The following SLIT1 variants were observed in gnomAD, a reference collection of about 807,000 sequenced individuals.
SLIT1 encodes slit guidance ligand 1.
Under a neutral mutation model 186.1 loss-of-function variants are expected in SLIT1, and 66 were observed. The ratio of observed to expected loss-of-function variants is 0.35; its 90% CI spans 0.29 to 0.44. The LOEUF (loss-of-function observed/expected upper bound fraction) is 0.44, where lower values mean the gene tolerates loss of function less well. Ranked by LOEUF, SLIT1 falls within the 20% of genes least tolerant of loss-of-function variation. SLIT1 has a pLI of 1.00. For missense variants in SLIT1, 1,638 were observed against 2,037.4 expected (o/e 0.80, Z 3.77); for synonymous variants, 761 against 833.8 (o/e 0.91, Z 1.50).
rs1271205381 is a variant in SLIT1, at chr10:97,157,855, C to A, written c.376G>T (p.Glu126Ter). The A allele has an allele frequency of 6.2e-7, 1 of 1,614,022 alleles. No homozygotes were observed. The highest frequency in any genetic ancestry group is 1.1e-5 in the South Asian group (1 of 91,068). The stretch of plus-strand genomic sequence containing the variant: ...GCCTGGTTGTTCTGGAACAGCAGTT[C>A]CGGTAACATGTGCAGCTGGTTTCGG... ...LNRNQLHMLP[E>*]LLFQNNQALS... is the part of the protein sequence containing the mutation. Residue 126 changes from glutamate to a stop codon, truncating the protein, a stop_gained, in exon 4 of 37, where the codon GAA becomes TAA. Transcript: ENST00000266058. LOFTEE classifies it high-confidence loss of function.
chr10:97,163,018 G>A (rs765546361), intron 3 of SLIT1, among the ~76,000 whole-genome samples: 20 of 152,210 alleles, frequency 1.3e-4, no homozygotes, highest in Non-Finnish European at 2.4e-4. Context: ...CGTTGGCACG[G>A]CTTCCTTTAA....
rs974858385 is a variant in SLIT1 at position 97,140,706 on chromosome 10, C to T, written c.413+17112G>A. ...GGGAAATGAGTCATTGCTCAGCGGG[C>T]GATGGCTGGGTGGGGGCAGCCCAGG... On this transcript the variant is annotated intron_variant, in intron 4 of 36. Coordinates refer to ENST00000266058, the MANE Select transcript of SLIT1 (RefSeq NM_003061.3). Among the ~76,000 whole-genome samples, 6 of 152,286 alleles carry T rather than the reference C, an allele frequency of 3.9e-5. No individual in the cohort carries two copies. In the East Asian group the frequency reaches 9.6e-4, roughly 24 times the overall value.
intron 12 of SLIT1, 72 bp from the exon 13 acceptor site, chr10:97,056,536 C>A: frequency 1.3e-6 from 2 of 1,511,754 alleles, no homozygotes; most frequent in Non-Finnish European, 1.8e-6. Flanking sequence ...TCCTGGGCAC[C>A]TTCTTCAGTC....
chr10:97,048,989 G>T lies in SLIT1; in HGVS notation c.1431C>A (p.Ile477=), dbSNP rs73320652. Residue 477 remains isoleucine (I), a synonymous_variant, in exon 14 of 37, where the codon ATC becomes ATA. Coordinates refer to ENST00000266058, the MANE Select transcript of SLIT1 (RefSeq NM_003061.3). ...GGAACTTCTTGCTCTTGATCTGCCCGATGCGCTTGTTGGCGAGGCGCCGGG... is the reference window on the plus strand; with the variant it reads ...GGAACTTCTTGCTCTTGATCTGCCCTATGCGCTTGTTGGCGAGGCGCCGGG... ...ASPRRLANKR[I]GQIKSKKFRC... 4.3e-3 allele frequency: 6,996 copies of T among 1,609,816 alleles called. 265 individuals are homozygous for T. The African/African-American group carries it at 0.078, about 18-fold the overall frequency.
chr10:97,156,412 T>C (rs1161457105), intron 4 of SLIT1, among the ~76,000 whole-genome samples: 1 of 152,056 alleles, frequency 6.6e-6, no homozygotes, highest in Non-Finnish European at 1.5e-5. Flanking sequence ...ACCCCGTCTC[T>C]ACAAAAAATT....
Position 97,047,743 on chromosome 10 carries a change from G to A in SLIT1, c.1581C>T (p.Ser527=), listed in dbSNP as rs1848747060. ...CRCEANVVEC[S]SLKLTKIPER... is the part of the protein sequence containing the mutation. ...CAGGGATCTTGGTGAGCTTCAGGCT[G>A]GAGCACTCCACCACGTTGGCCTCAC... Residue 527 remains serine (S), a synonymous_variant, in exon 16 of 37, where the codon TCC becomes TCT. Coordinates refer to ENST00000266058, the MANE Select transcript of SLIT1 (RefSeq NM_003061.3). The A allele has an allele frequency of 1.2e-6, 2 of 1,613,974 alleles. No individual in the cohort carries two copies. Among genetic ancestry groups the A allele is most frequent in the East Asian group, 2.2e-5 (1 of 44,900 alleles).
At chr10:97,074,733 G>A (rs1056883124) in intron 4 of SLIT1, among the ~76,000 whole-genome samples, 1 of 152,136 alleles carries the variant, frequency 6.6e-6, no homozygotes, top group African/African-American at 2.4e-5. Context: ...GCCCGCCCCT[G>A]AAGACAAGGG....
Position 97,056,599 on chromosome 10 carries a change from G to A in SLIT1, c.1158-135C>T, listed in dbSNP as rs974975476. 3.3e-6 allele frequency: 3 copies of A among 921,988 alleles called. No individual in the cohort carries two copies. The South Asian group carries it at 5.2e-5, about 16-fold the overall frequency. The allele number at this position is 921,988 out of a possible 1,614,324, so 57.1% of individuals were successfully genotyped here. On this transcript the variant is annotated intron_variant, in intron 12 of 36. Coordinates refer to ENST00000266058, the MANE Select transcript of SLIT1 (RefSeq NM_003061.3). The stretch of plus-strand genomic sequence containing the variant: ...CCATCGGAGCAGGCCCAGGGAATCT[G>A]CCCTCTGGATGTCTGCCCCACGGAG...
intron 20 of SLIT1, among the ~76,000 whole-genome samples, chr10:97,042,562 G>A (rs951725900): frequency 1.8e-4 from 27 of 152,254 alleles, no homozygotes; most frequent in African/African-American, 6.5e-4. Flanking sequence ...ACAGCCAAAA[G>A]GCAGGTCTGA....
chr10:97,060,756 G>A lies in SLIT1; in HGVS notation c.825C>T (p.Cys275=), dbSNP rs779633584. The A allele has an allele frequency of 2.5e-6, 4 of 1,612,316 alleles. No individual in the cohort carries two copies. The highest frequency in any genetic ancestry group is 1.1e-5 in the South Asian group (1 of 90,840). The change falls in exon 9 of 37, where the codon TGC becomes TGT. Residue 275 remains cysteine, a synonymous_variant. Coordinates refer to ENST00000266058, the MANE Select transcript of SLIT1 (RefSeq NM_003061.3). The part of the protein sequence containing the change: ...GQGEAGRVPT[C]TLSSGSCPAM... The stretch of plus-strand genomic sequence containing the variant: ...CCGGGCAGGAGCCGGAGGACAGGGT[G>A]CAGGTGGGCACGCGCCCCGCTTCTC...
At chr10:97,177,181 T>C (rs940697404) in intron 1 of SLIT1, among the ~76,000 whole-genome samples, 1 of 152,190 alleles carries the variant, frequency 6.6e-6, no homozygotes, top group Admixed American at 6.5e-5. Context: ...GGTCCCCCCA[T>C]CTCTCTCTCC....
intron 4 of SLIT1, among the ~76,000 whole-genome samples, chr10:97,130,020 A>T (rs925623569): frequency 2.0e-5 from 3 of 152,218 alleles, no homozygotes; most frequent in African/African-American, 7.2e-5. Flanking sequence ...GAGGGAAAAC[A>T]GAAGGAAACG....
chr10:97,023,190 T>C (rs887218646), intron 25 of SLIT1, among the ~76,000 whole-genome samples: 3 of 152,114 alleles, frequency 2.0e-5, no homozygotes, highest in Admixed American at 6.6e-5. Flanking sequence ...TAGCTGGGAT[T>C]ACAGCGTACA....
intron 1 of SLIT1, among the ~76,000 whole-genome samples, chr10:97,180,434 T>G (rs998032690): frequency 6.6e-6 from 1 of 152,242 alleles, no homozygotes; most frequent in African/African-American, 2.4e-5. Flanking sequence ...CTTGCAGTTA[T>G]GTGCTTATTC....
intron 1 of SLIT1, among the ~76,000 whole-genome samples, chr10:97,178,419 G>C: frequency 6.6e-6 from 1 of 152,200 alleles, no homozygotes; most frequent in Admixed American, 6.5e-5. Flanking sequence ...CAAAATAACC[G>C]GCCTGCATAC....
intron 1 of SLIT1, among the ~76,000 whole-genome samples, chr10:97,179,941 C>T (rs1276541481): frequency 1.3e-5 from 2 of 152,216 alleles, no homozygotes; most frequent in Non-Finnish European, 1.5e-5. Flanking sequence ...CGCCGAGCTG[C>T]TAATGCCGGC....
intron 4 of SLIT1, among the ~76,000 whole-genome samples, chr10:97,118,185 T>G (rs1849525820): frequency 6.6e-6 from 1 of 152,166 alleles, no homozygotes; most frequent in African/African-American, 2.4e-5. Context: ...ACAAGGACTA[T>G]ATGGTATAAG....
chr10:97,064,693 G>T, intron 6 of SLIT1, 112 bp downstream of exon 6: 1 of 724,918 alleles, frequency 1.4e-6, no homozygotes. Context: ...ATTCTAGGAG[G>T]GCAGGTCTCT....
rs992929212 is a variant in SLIT1 at position 96,999,101 on chromosome 10, G to A, written c.*2011C>T. 5 of 152,300 alleles carry A rather than the reference G, an allele frequency of 3.3e-5. No individual in the cohort carries two copies. The highest frequency in any genetic ancestry group is 1.2e-4 in the African/African-American group (5 of 41,440). The allele number at this position is 152,300 out of a possible 1,614,324, so 9.4% of individuals were successfully genotyped here. On this transcript the variant is annotated 3_prime_UTR_variant, in exon 37 of 37. Transcript: ENST00000266058. ...TCCAGCCCGGTGCAGATGCTCTGCA[G>A]GGTCCCACGGTGGCCTGGAAACTCA... is the stretch of plus-strand genomic sequence containing the variant.
Sources: gnomAD v4.1 joint callset for allele counts (sites outside exome capture counted in the v4.1 genomes callset) on GRCh38, gnomAD v4.1.1 for gene constraint, MANE v1.5 for transcripts, NCBI Gene and HGNC (gene_info 2026-07-23, HGNC 2026-07-21) for gene names.